TBC1D22A: variants seen among roughly 807,000 people sequenced by gnomAD.
TBC1D22A encodes the protein putative GTPase activator.
TBC1D22A carries 38 observed loss-of-function variants against 60.2 expected under a neutral mutation model. The observed-to-expected ratio is 0.63, with a 90% confidence interval of 0.49 to 0.83. The LOEUF (loss-of-function observed/expected upper bound fraction) is 0.83. Among genes scored for constraint, TBC1D22A ranks in the 40% least tolerant of loss-of-function variants. The pLI, the probability that TBC1D22A is intolerant of heterozygous loss-of-function variation, is 0.00. For synonymous variants in TBC1D22A, 302 were observed against 281.7 expected, an observed-to-expected ratio of 1.07 and a Z score of -0.72; for missense variants, 628 against 701.0, an observed-to-expected ratio of 0.90 and a Z score of 1.18.
intron 12 of TBC1D22A, among the ~76,000 whole-genome samples, chr22:47,148,272 C>T (rs2067359221): frequency 6.6e-6 from 1 of 151,532 alleles, no homozygotes; most frequent in Middle Eastern, 3.4e-3. Flanking sequence ...CAGAGAGAGG[C>T]ACCTCCCAAC....
At chr22:47,071,814 C>T (rs919555429) in intron 11 of TBC1D22A, among the ~76,000 whole-genome samples, 3 of 152,148 alleles carry the variant, frequency 2.0e-5, no homozygotes, top group African/African-American at 7.2e-5. Flanking sequence ...CAATATGATG[C>T]AGACATCAAT....
intron 12 of TBC1D22A, among the ~76,000 whole-genome samples, chr22:47,157,208 C>T (rs1003930985): frequency 2.0e-5 from 3 of 152,226 alleles, no homozygotes; most frequent in Non-Finnish European, 4.4e-5. Context: ...CATGCAGAGT[C>T]ACCGTGGCAC....
intron 4 of TBC1D22A, among the ~76,000 whole-genome samples, chr22:46,860,779 G>A (rs540753897): frequency 6.6e-6 from 1 of 152,318 alleles, no homozygotes; most frequent in East Asian, 1.9e-4. Flanking sequence ...CTGCCAGGCG[G>A]GTCTCCTGGA....
chr22:47,134,805 C>A (rs975096176), intron 12 of TBC1D22A, among the ~76,000 whole-genome samples: 2 of 152,134 alleles, frequency 1.3e-5, no homozygotes, highest in Middle Eastern at 3.2e-3. Flanking sequence ...GACAACCGAG[C>A]ACCCCCAAAT....
chr22:46,885,362 C>T (rs1274366951), intron 5 of TBC1D22A, among the ~76,000 whole-genome samples: 1 of 152,152 alleles, frequency 6.6e-6, no homozygotes, highest in Non-Finnish European at 1.5e-5. Flanking sequence ...GCACATTAAC[C>T]ACGTTTCCTG....
intron 4 of TBC1D22A, among the ~76,000 whole-genome samples, chr22:46,826,945 GT>G (rs985060370): frequency 7.9e-4 from 114 of 144,216 alleles, no homozygotes; most frequent in East Asian, 2.0e-3. Flanking sequence ...TTTAGTTTCC[GT>G]TTTTTTTTTT....
chr22:46,903,685 A>G (rs2069177105), intron 7 of TBC1D22A, among the ~76,000 whole-genome samples: 1 of 152,194 alleles, frequency 6.6e-6, no homozygotes, highest in East Asian at 1.9e-4. Context: ...GGTAAGAAGC[A>G]GCACACAGGA....
intron 4 of TBC1D22A, among the ~76,000 whole-genome samples, chr22:46,808,785 G>A (rs1238169686): frequency 1.3e-5 from 2 of 152,130 alleles, no homozygotes; most frequent in African/African-American, 2.4e-5. Flanking sequence ...TAGTAGAGAC[G>A]GGGTTTCACC....
At chr22:47,090,530 C>T (rs146450592) in intron 11 of TBC1D22A, among the ~76,000 whole-genome samples, 1 of 152,340 alleles carries the variant, frequency 6.6e-6, no homozygotes, top group Non-Finnish European at 1.5e-5. Flanking sequence ...GCACCTGTGT[C>T]CCCTCCAGGT....
chr22:46,942,465 A>G (rs138632107), intron 8 of TBC1D22A, among the ~76,000 whole-genome samples: 4 of 152,276 alleles, frequency 2.6e-5, no homozygotes, highest in East Asian at 1.9e-4. Flanking sequence ...CTGCTTAGCT[A>G]TGCCGCTAAC....
chr22:46,792,143 C>T (rs1320600005), intron 1 of TBC1D22A, among the ~76,000 whole-genome samples: 1 of 152,216 alleles, frequency 6.6e-6, no homozygotes, highest in Non-Finnish European at 1.5e-5. Flanking sequence ...TGAGAATTCC[C>T]AGGTGGGCGT....
At chr22:46,796,443 A>G (rs891246386) in intron 3 of TBC1D22A, among the ~76,000 whole-genome samples, 1 of 152,172 alleles carries the variant, frequency 6.6e-6, no homozygotes, top group Non-Finnish European at 1.5e-5. Flanking sequence ...CGTCAGCTGC[A>G]GCGTTTGCTT....
In TBC1D22A at chr22:46,943,757, A is replaced by G. The variant is rs118171755; in HGVS notation, c.1016-30533A>G. ...GACCACTGATCTGCTTTTCGTCTGCATGGATTTGCCCTTTCTGACATTTCA... is the reference window on the plus strand; with the variant it reads ...GACCACTGATCTGCTTTTCGTCTGCGTGGATTTGCCCTTTCTGACATTTCA... On this transcript the variant is annotated intron_variant, in intron 8 of 12. Transcript: ENST00000337137. Among the ~76,000 whole-genome samples the G allele has an allele frequency of 4.7e-4, 72 of 152,308 alleles. No individual in the cohort carries two copies. In the East Asian group the frequency reaches 8.9e-3, roughly 19 times the overall value.
At chr22:47,069,137 C>T (rs1007571900) in intron 11 of TBC1D22A, among the ~76,000 whole-genome samples, 8 of 152,162 alleles carry the variant, frequency 5.3e-5, no homozygotes, top group African/African-American at 1.7e-4. Context: ...AAAATAACTT[C>T]TATTGCAAAA....
At chr22:47,094,612 G>C (rs866421920) in intron 11 of TBC1D22A, among the ~76,000 whole-genome samples, 2 of 152,294 alleles carry the variant, frequency 1.3e-5, no homozygotes, top group Non-Finnish European at 1.5e-5. Flanking sequence ...CATACGTCCT[G>C]TCGGTTCTGT....
chr22:46,791,080 T>C (rs2084384946), intron 1 of TBC1D22A, among the ~76,000 whole-genome samples: 1 of 152,192 alleles, frequency 6.6e-6, no homozygotes, highest in African/African-American at 2.4e-5. Flanking sequence ...AGACAGGGTC[T>C]CACTGTGTAA....
At chr22:46,902,362 G>C (rs1384843042) in intron 7 of TBC1D22A, among the ~76,000 whole-genome samples, 3 of 152,240 alleles carry the variant, frequency 2.0e-5, no homozygotes, top group Non-Finnish European at 2.9e-5. Flanking sequence ...AGAGTTTAAA[G>C]TTTGTACTAC....
At chr22:46,844,062 A>G (rs2086887992) in intron 4 of TBC1D22A, among the ~76,000 whole-genome samples, 1 of 151,358 alleles carries the variant, frequency 6.6e-6, no homozygotes, top group Non-Finnish European at 1.5e-5. Context: ...GCAAAGGAGT[A>G]CAAGCTTGGG....
chr22:46,915,734 G>T (rs749111713), intron 8 of TBC1D22A: 4 of 456,566 alleles, frequency 8.8e-6, no homozygotes, highest in South Asian at 6.2e-5. Flanking sequence ...CTCTTTCTGG[G>T]GATGTGTGTT....
Sources: gnomAD v4.1 joint callset for allele counts (sites outside exome capture counted in the v4.1 genomes callset) on GRCh38, gnomAD v4.1.1 for gene constraint, MANE v1.5 for transcripts, NCBI Gene and HGNC (gene_info 2026-07-23, HGNC 2026-07-21) for gene names.